GPC6: variants seen among roughly 807,000 people sequenced by gnomAD.
The protein encoded by GPC6 is glypican 6.
Under a neutral mutation model 55.2 loss-of-function variants are expected in GPC6, and 14 were observed. That is an observed-to-expected ratio of 0.25 (90% CI 0.17 to 0.40). The LOEUF (loss-of-function observed/expected upper bound fraction) is 0.40. Among genes scored for constraint, GPC6 ranks in the 10% least tolerant of loss-of-function variants. The probability of loss-of-function intolerance (pLI) is 1.00; values close to 1 mark genes in which losing one functional copy is unlikely to be tolerated. For synonymous variants in GPC6, 278 were observed against 259.6 expected (o/e 1.07, Z -0.68); for missense variants, 641 against 708.5 (o/e 0.90, Z 1.08).
At chr13:94,143,849 C>T (rs1269359682) in intron 4 of GPC6, among the ~76,000 whole-genome samples, 2 of 152,092 alleles carry the variant, frequency 1.3e-5, no homozygotes, top group African/African-American at 4.8e-5. Context: ...CATGATCACT[C>T]CACTACACTC....
chr13:93,326,324 G>C (rs1209633624), intron 1 of GPC6, among the ~76,000 whole-genome samples: 1 of 152,176 alleles, frequency 6.6e-6, no homozygotes, highest in Non-Finnish European at 1.5e-5. Context: ...GGTGGGGCTT[G>C]AGATTCTTTA....
chr13:94,122,408 C>T (rs1363908998), intron 4 of GPC6, among the ~76,000 whole-genome samples: 3 of 152,038 alleles, frequency 2.0e-5, no homozygotes, highest in Admixed American at 1.3e-4. Context: ...GACATTTACT[C>T]AATATTTTAA....
At chr13:93,657,784 T>C (rs1415722952) in intron 2 of GPC6, among the ~76,000 whole-genome samples, 1 of 150,518 alleles carries the variant, frequency 6.6e-6, no homozygotes, top group Non-Finnish European at 1.5e-5. Flanking sequence ...ATTAAAAAAA[T>C]GGGCAAAGAA....
chr13:93,334,841 T>C (rs1220500895), intron 1 of GPC6, among the ~76,000 whole-genome samples: 1 of 152,384 alleles, frequency 6.6e-6, no homozygotes, highest in East Asian at 1.9e-4. Context: ...TTTTAATAAA[T>C]GTTTATGAAT....
At chr13:93,973,760 A>G (rs1317702544) in intron 3 of GPC6, among the ~76,000 whole-genome samples, 1 of 152,202 alleles carries the variant, frequency 6.6e-6, no homozygotes, top group African/African-American at 2.4e-5. Flanking sequence ...ATCAACTTTT[A>G]GAGAGATGAT....
At chr13:93,491,783 T>G (rs71429528) in intron 1 of GPC6, among the ~76,000 whole-genome samples, 23,820 of 126,856 alleles carry the variant, frequency 0.19, 2,760 homozygotes, top group South Asian at 0.27. Flanking sequence ...AGGGAATCCT[T>G]TCCCCATTGC....
intron 1 of GPC6, among the ~76,000 whole-genome samples, chr13:93,506,154 A>G (rs571801252): frequency 2.0e-4 from 30 of 152,286 alleles, no homozygotes; most frequent in African/African-American, 7.2e-4. Context: ...TGCACAGTTC[A>G]GAGCCCACTC....
chr13:94,407,810 C>T lies in GPC6; in HGVS notation c.*4593C>T, dbSNP rs1387241988. On this transcript the variant is annotated 3_prime_UTR_variant, in exon 9 of 9. Transcript: ENST00000377047. ...AAATGTTTCCATCCTCTCAGGCATG[C>T]TAAATATTGTATAACCTGCTAAAGA... Among the ~76,000 whole-genome samples, 1 of 152,112 alleles carries T rather than the reference C, an allele frequency of 6.6e-6. No homozygotes were observed. The highest frequency in any genetic ancestry group is 1.5e-5 in the Non-Finnish European group (1 of 67,990).
At chr13:93,914,659 G>A (rs1465882142) in intron 3 of GPC6, among the ~76,000 whole-genome samples, 2 of 152,154 alleles carry the variant, frequency 1.3e-5, no homozygotes, top group Non-Finnish European at 2.9e-5. Context: ...TTAGGAGCAG[G>A]CCTTTCCTTT....
intron 3 of GPC6, among the ~76,000 whole-genome samples, chr13:93,833,158 A>AGAGAGAGAGAGAG (rs1594502117): frequency 2.0e-5 from 2 of 98,038 alleles, no homozygotes; most frequent in Non-Finnish European, 4.3e-5. Context: ...AGAGAGAGAG[A>AGAGAGAGAGAGAG]TGGTATATAT....
chr13:94,256,423 A>G (rs1476695851), intron 4 of GPC6, among the ~76,000 whole-genome samples: 1 of 152,166 alleles, frequency 6.6e-6, no homozygotes. Context: ...AGTGAGAACA[A>G]TGATTTAGAA....
At chr13:94,246,004 C>G (rs1046749060) in intron 4 of GPC6, among the ~76,000 whole-genome samples, 3 of 152,070 alleles carry the variant, frequency 2.0e-5, no homozygotes, top group African/African-American at 7.2e-5. Flanking sequence ...GTTTCCTTTT[C>G]TCCGCACCCT....
intron 2 of GPC6, among the ~76,000 whole-genome samples, chr13:93,711,781 C>T (rs1883077409): frequency 6.6e-6 from 1 of 151,738 alleles, no homozygotes; most frequent in Non-Finnish European, 1.5e-5. Flanking sequence ...TTCCTTTATT[C>T]ACCCAAGCAT....
At chr13:94,377,565 T>C (rs1879939730) in intron 6 of GPC6, among the ~76,000 whole-genome samples, 1 of 149,044 alleles carries the variant, frequency 6.7e-6, no homozygotes. Flanking sequence ...GGAGAGGATG[T>C]GGAGAAATAG....
At chr13:93,544,766 A>G (rs1218868110) in intron 1 of GPC6, among the ~76,000 whole-genome samples, 2 of 152,176 alleles carry the variant, frequency 1.3e-5, no homozygotes, top group Non-Finnish European at 2.9e-5. Flanking sequence ...GAGACCTACC[A>G]TTAAAAACAC....
intron 1 of GPC6, among the ~76,000 whole-genome samples, chr13:93,250,193 G>C (rs1170777964): frequency 1.3e-5 from 2 of 152,190 alleles, no homozygotes; most frequent in African/African-American, 4.8e-5. Flanking sequence ...CACTTCTAAA[G>C]CTCTTAGAAT....
At chr13:93,357,845 G>T (rs747218908) in intron 1 of GPC6, among the ~76,000 whole-genome samples, 1 of 151,988 alleles carries the variant, frequency 6.6e-6, no homozygotes, top group Non-Finnish European at 1.5e-5. Context: ...GTAAATAATT[G>T]TATATCACAT....
chr13:93,606,613 C>T (rs1430693182), intron 2 of GPC6, among the ~76,000 whole-genome samples: 2 of 152,050 alleles, frequency 1.3e-5, no homozygotes, highest in Admixed American at 6.6e-5. Context: ...ATAAAGTCTG[C>T]CCTTTGAAGT....
At chr13:93,444,198 T>C (rs111324907) in intron 1 of GPC6, among the ~76,000 whole-genome samples, 95 of 59,374 alleles carry the variant, frequency 1.6e-3, no homozygotes, top group African/African-American at 3.3e-3. Flanking sequence ...AATTCTTCTT[T>C]TTTTTTTTTT....
Sources: allele counts gnomAD v4.1 joint callset (sites outside exome capture counted in the v4.1 genomes callset), GRCh38; gene constraint gnomAD v4.1.1; transcripts MANE v1.5; gene names NCBI Gene and HGNC (gene_info 2026-07-23, HGNC 2026-07-21).